Variants in BBX observed in about 807,000 individuals in gnomAD.
The protein encoded by BBX is HMG box transcription factor BBX.
BBX carries 30 observed loss-of-function variants against 100.2 expected under a neutral mutation model. That is an observed-to-expected ratio of 0.30 (90% CI 0.22 to 0.41). BBX has a LOEUF of 0.41. Among genes scored for constraint, BBX ranks in the 10% least tolerant of loss-of-function variants. The pLI, the probability that BBX is intolerant of heterozygous loss-of-function variation, is 1.00. For missense variants in BBX, 1,023 were observed against 1,129.8 expected (o/e 0.91, Z 1.35); for synonymous variants, 376 against 388.1 (o/e 0.97, Z 0.37).
At chr3:107,528,047 A>G (rs1046466414) in intron 2 of BBX, among the ~76,000 whole-genome samples, 15 of 152,342 alleles carry the variant, frequency 9.8e-5, no homozygotes, top group African/African-American at 3.1e-4. Flanking sequence ...TCTTTGAGAT[A>G]TCAAGTGACT....
At chr3:107,740,944 G>A (rs2064046803) in intron 7 of BBX, among the ~76,000 whole-genome samples, 1 of 148,348 alleles carries the variant, frequency 6.7e-6, no homozygotes, top group African/African-American at 2.5e-5. Context: ...ATTTCCTTTG[G>A]TCATCATTTT....
intron 4 of BBX, among the ~76,000 whole-genome samples, chr3:107,713,981 T>C (rs1355270292): frequency 2.2e-5 from 3 of 134,956 alleles, no homozygotes; most frequent in East Asian, 2.0e-4. Context: ...TTTTTTTTTT[T>C]TTTTTTTTTT....
intron 10 of BBX, among the ~76,000 whole-genome samples, chr3:107,758,286 C>A (rs2065640489): frequency 6.6e-6 from 1 of 152,140 alleles, no homozygotes; most frequent in Non-Finnish European, 1.5e-5. Context: ...GATCCTTTAC[C>A]TATCTGACCA....
intron 2 of BBX, among the ~76,000 whole-genome samples, chr3:107,577,952 A>G (rs562700885): frequency 2.0e-5 from 3 of 152,258 alleles, no homozygotes; most frequent in East Asian, 1.9e-4. Context: ...AAGTAGGGGG[A>G]AAAAAACCCT....
chr3:107,571,192 G>A (rs962810904), intron 2 of BBX, among the ~76,000 whole-genome samples: 7 of 152,106 alleles, frequency 4.6e-5, no homozygotes, highest in Admixed American at 4.6e-4. Flanking sequence ...GTAGTGACAC[G>A]GAGAAGGGGG....
intron 3 of BBX, among the ~76,000 whole-genome samples, chr3:107,646,511 G>A (rs1013335088): frequency 5.9e-5 from 9 of 151,976 alleles, no homozygotes; most frequent in African/African-American, 1.7e-4. Flanking sequence ...CAAAGCTGTC[G>A]TTTTAGGGGA....
rs533008529 is a variant in BBX, at chr3:107,750,804, C to T, written c.825+2765C>T. Among the ~76,000 whole-genome samples the T allele has an allele frequency of 1.9e-3, 295 of 152,272 alleles. 1 individual carries two copies. The highest frequency in any genetic ancestry group is 6.9e-3 in the African/African-American group (285 of 41,538). On this transcript the variant is annotated intron_variant, in intron 9 of 17. Transcript: ENST00000325805. ...TAGAATAGGCTCTAATTACTCACTG[C>T]GATATCCCTAAAGCTCTTAGAATTA...
chr3:107,770,069 C>A (rs928702597), intron 10 of BBX, among the ~76,000 whole-genome samples: 2 of 152,128 alleles, frequency 1.3e-5, no homozygotes, highest in Non-Finnish European at 2.9e-5. Context: ...TAGTGTTCAG[C>A]GTAATTACCT....
At chr3:107,671,441 G>A (rs1192492432) in intron 3 of BBX, among the ~76,000 whole-genome samples, 1 of 151,842 alleles carries the variant, frequency 6.6e-6, no homozygotes, top group Admixed American at 6.6e-5. Context: ...TTATTTTTCT[G>A]ATCCTCAGAG....
chr3:107,589,056 C>T (rs2053081525), intron 2 of BBX, among the ~76,000 whole-genome samples: 1 of 152,066 alleles, frequency 6.6e-6, no homozygotes, highest in Non-Finnish European at 1.5e-5. Context: ...TTTAACCTGC[C>T]CCATGAACCT....
intron 3 of BBX, among the ~76,000 whole-genome samples, chr3:107,702,960 G>A (rs896247087): frequency 2.0e-5 from 3 of 152,138 alleles, no homozygotes; most frequent in African/African-American, 7.2e-5. Flanking sequence ...AGTTGAATGG[G>A]AGGTAAGACT....
chr3:107,661,091 T>C (rs1462500588), intron 3 of BBX, among the ~76,000 whole-genome samples: 5 of 152,234 alleles, frequency 3.3e-5, no homozygotes, highest in African/African-American at 1.2e-4. Flanking sequence ...CAAGTGACTG[T>C]TCACTTAATT....
rs577851488 is a variant in BBX at position 107,604,420 on chromosome 3, C to T, written c.-83-41416C>T. ...TTCAGGACTTATTTTCTAGGTTCTTCGGTATTCTGGTCACTCCCCTTCCTG... is the reference window on the plus strand; with the variant it reads ...TTCAGGACTTATTTTCTAGGTTCTTTGGTATTCTGGTCACTCCCCTTCCTG... On this transcript the variant is annotated intron_variant, in intron 2 of 17. Coordinates refer to ENST00000325805, the MANE Select transcript of BBX (RefSeq NM_001142568.3). Among the ~76,000 whole-genome samples, 8 of 152,216 alleles carry T rather than the reference C, an allele frequency of 5.3e-5. No homozygotes were observed. The South Asian group carries it at 8.3e-4, about 16-fold the overall frequency.
chr3:107,766,608 A>T (rs1485874622), intron 10 of BBX, among the ~76,000 whole-genome samples: 1 of 152,176 alleles, frequency 6.6e-6, no homozygotes, highest in Non-Finnish European at 1.5e-5. Flanking sequence ...AAAAAAAAAG[A>T]TAATTGTATA....
chr3:107,725,972 G>A (rs1409081011), intron 5 of BBX, among the ~76,000 whole-genome samples: 1 of 151,760 alleles, frequency 6.6e-6, no homozygotes, highest in Non-Finnish European at 1.5e-5. Context: ...TGATGTTTTC[G>A]GAGGATAAGT....
At chr3:107,788,727 A>G (rs2068690493) in intron 13 of BBX, among the ~76,000 whole-genome samples, 1 of 152,098 alleles carries the variant, frequency 6.6e-6, no homozygotes, top group Non-Finnish European at 1.5e-5. Flanking sequence ...GTGAGCCGAG[A>G]TCATCCCACT....
At chr3:107,725,928 T>G (rs2062896925) in intron 5 of BBX, among the ~76,000 whole-genome samples, 1 of 151,908 alleles carries the variant, frequency 6.6e-6, no homozygotes, top group Non-Finnish European at 1.5e-5. Flanking sequence ...TCTGAGAGAG[T>G]CTTCCATTGA....
chr3:107,773,367 A>G lies in BBX; in HGVS notation c.1646A>G (p.Glu549Gly). 1 of 1,614,142 alleles carries G rather than the reference A, an allele frequency of 6.2e-7. No homozygotes were observed. Among genetic ancestry groups the G allele is most frequent in the Non-Finnish European group, 8.5e-7 (1 of 1,180,010 alleles). The change falls in exon 11 of 18, where the codon GAG becomes GGG. Residue 549 changes from glutamate to glycine, a missense_variant. By Grantham distance (98) the Glu-to-Gly change is moderately conservative. Around this residue, in one of 9 missense-constraint regions of BBX, gnomAD observed 348 missense variants for 353.2 expected, o/e 0.99. Transcript: ENST00000325805. The surrounding 1 kb of genome is among the most constrained non-coding windows in gnomAD (Gnocchi z 4.1). ...SKEKSSDTTK[E>G]SRPPDFISIS... The stretch of plus-strand genomic sequence containing the variant: ...GAGAAATCCTCAGACACCACCAAAG[A>G]GTCAAGACCTCCAGATTTCATTAGT...
intron 3 of BBX, among the ~76,000 whole-genome samples, chr3:107,656,577 T>G (rs1334738023): frequency 6.6e-6 from 1 of 152,228 alleles, no homozygotes; most frequent in African/African-American, 2.4e-5. Flanking sequence ...TCCAGACTGC[T>G]TGTGAGAGTT....
Sources: gnomAD v4.1 joint callset for allele counts (sites outside exome capture counted in the v4.1 genomes callset) on GRCh38, gnomAD v4.1.1 for gene constraint, gnomAD v4.1.1 regional missense constraint, Gnocchi (gnomAD v3.1) non-coding constraint, MANE v1.5 for transcripts, NCBI Gene and HGNC (gene_info 2026-07-23, HGNC 2026-07-21) for gene names.